Variants in UBE3B observed in about 807,000 individuals in gnomAD.
The protein encoded by UBE3B is ubiquitin-protein ligase E3B.
In UBE3B, 80 loss-of-function variants were observed where a neutral mutation model predicts 132.3. That is an observed-to-expected ratio of 0.60 (90% CI 0.50 to 0.73). The LOEUF (loss-of-function observed/expected upper bound fraction) is 0.73. Among genes scored for constraint, UBE3B ranks in the 30% least tolerant of loss-of-function variants. The pLI is 0.00. For synonymous variants in UBE3B, 487 were observed against 520.4 expected, an observed-to-expected ratio of 0.94 and a Z score of 0.87; for missense variants, 1,196 against 1,362.5, an observed-to-expected ratio of 0.88 and a Z score of 1.92.
Position 109,533,531 on chromosome 12 carries a change from C to G in UBE3B, c.2988C>G (p.Ile996Met), listed in dbSNP as rs1370932110. 6.2e-7 allele frequency: 1 copy of G among 1,613,874 alleles called. No individual in the cohort carries two copies. The highest frequency in any genetic ancestry group is 8.5e-7 in the Non-Finnish European group (1 of 1,180,018). The change falls in exon 27 of 28, where the codon ATC (isoleucine) becomes ATG (methionine). Residue 996 changes from isoleucine (I) to methionine (M), a missense_variant. Ile to Met is a conservative substitution (Grantham distance 10, BLOSUM62 1). Coordinates refer to ENST00000342494, the MANE Select transcript of UBE3B (RefSeq NM_130466.4). Reference sequence around the variant, plus strand: ...CCTACCTCAAGCCTCCATTCTCCATCCGCTGCGTGGAGGTGTCGGACGATC... The same window carrying G: ...CCTACCTCAAGCCTCCATTCTCCATGCGCTGCGTGGAGGTGTCGGACGATC... Reference protein sequence around the residue: ...GFAYLKPPFSIRCVEVSDDQD... With the variant: ...GFAYLKPPFSMRCVEVSDDQD...
chr12:109,520,066 G>A (rs1387302726), intron 19 of UBE3B: 1 of 152,270 alleles, frequency 6.6e-6, no homozygotes, highest in East Asian at 1.9e-4. Flanking sequence ...TGCGAAGCAT[G>A]TGACAGTGTT....
At chr12:109,524,568 T>G in intron 23 of UBE3B, 65 bp downstream of exon 23, 1 of 1,560,802 alleles carries the variant, frequency 6.4e-7, no homozygotes, top group East Asian at 2.3e-5. Flanking sequence ...ACCTGCCGTG[T>G]TATTTGTTTT....
intron 24 of UBE3B, among the ~76,000 whole-genome samples, chr12:109,529,264 T>A (rs1365247179): frequency 6.6e-6 from 1 of 152,228 alleles, no homozygotes; most frequent in African/African-American, 2.4e-5. Context: ...GCAGTTGTAG[T>A]TGAGGGCACT....
intron 2 of UBE3B, among the ~76,000 whole-genome samples, chr12:109,482,516 A>C (rs888044168): frequency 7.2e-5 from 11 of 152,190 alleles, no homozygotes; most frequent in African/African-American, 2.7e-4. Context: ...TGATATTTTC[A>C]TGTGGGTGCT....
At chr12:109,530,775 G>A in intron 26 of UBE3B, 117 bp downstream of exon 26, 3 of 1,001,532 alleles carry the variant, frequency 3.0e-6, no homozygotes, top group Non-Finnish European at 4.4e-6. Context: ...CAGATAGTCA[G>A]CACATCCTCT....
intron 18 of UBE3B, 33 bp from the exon 19 acceptor site, chr12:109,516,732 C>T (rs1047406744): frequency 1.2e-6 from 2 of 1,601,252 alleles, no homozygotes; most frequent in African/African-American, 1.3e-5. Flanking sequence ...GTTTGCTGAC[C>T]CTGTTTTCTG....
At chr12:109,493,136 G>C (rs1877712328) in intron 9 of UBE3B, among the ~76,000 whole-genome samples, 1 of 152,212 alleles carries the variant, frequency 6.6e-6, no homozygotes, top group Admixed American at 6.5e-5. Context: ...TATGTGAGTT[G>C]TATTTAATGA....
chr12:109,534,902 C>T lies in UBE3B; in HGVS notation c.*120C>T. On this transcript the variant is annotated 3_prime_UTR_variant, in exon 28 of 28. Coordinates refer to ENST00000342494, the MANE Select transcript of UBE3B (RefSeq NM_130466.4). This position sits in a 1 kb window ranked among gnomAD's most constrained non-coding sequence, Gnocchi z 5.2. ...GGTGACATTGGCCCCTAGACCCTCTCTATAGCCATGAGACTCCTTGTGGCC... is the reference window on the plus strand; with the variant it reads ...GGTGACATTGGCCCCTAGACCCTCTTTATAGCCATGAGACTCCTTGTGGCC... 1.2e-6 allele frequency: 1 copy of T among 817,808 alleles called. No individual in the cohort carries two copies. The highest frequency in any genetic ancestry group is 2.4e-5 in the South Asian group (1 of 42,534). 50.7% of individuals were successfully genotyped at this position (817,808 alleles called of 1,614,324 possible).
chr12:109,546,532 C>G, the UBE3B span, among the ~76,000 whole-genome samples: 1 of 152,188 alleles, frequency 6.6e-6, no homozygotes, highest in Non-Finnish European at 1.5e-5. Flanking sequence ...TGAACCAGCT[C>G]CAGCCAGCAA....
rs144512513 is a variant in UBE3B, at chr12:109,497,882, G to C, written c.778G>C (p.Val260Leu). ...IRPFLIHIMS[V>L]PALVTHLSTV... ...GCCGTTCCTCATCCACATCATGTCTGTGCCTGCTCTGGTGACTCATCTCAG... is the reference window on the plus strand; with the variant it reads ...GCCGTTCCTCATCCACATCATGTCTCTGCCTGCTCTGGTGACTCATCTCAG... The change falls in exon 10 of 28, where the codon GTG (valine) becomes CTG (leucine). Residue 260 changes from valine to leucine, a missense_variant. Val to Leu is a conservative substitution (Grantham distance 32). Transcript: ENST00000342494. 1.9e-5 allele frequency: 31 copies of C among 1,614,176 alleles called. No homozygotes were observed. Among genetic ancestry groups the C allele is most frequent in the Non-Finnish European group, 2.6e-5 (31 of 1,180,034 alleles).
chr12:109,483,586 T>TC lies in UBE3B; in HGVS notation c.36dup (p.Ile13HisfsTer3), dbSNP rs1209051926. On this transcript the variant is annotated frameshift_variant, in exon 3 of 28. Transcript: ENST00000342494. LOFTEE classifies it high-confidence loss of function. ...CTGTCTCAGACCTCGAGAGCATGGT[T>TC]CATCGATAGAGCCCGTCAGGCACGA... is the stretch of plus-strand genomic sequence containing the variant. 39 of 1,605,972 alleles carry TC rather than the reference T, an allele frequency of 2.4e-5. No homozygotes were observed. Among genetic ancestry groups the TC allele is most frequent in the Non-Finnish European group, 3.1e-5 (37 of 1,177,630 alleles).
At chr12:109,530,810 C>G (rs1262673330) in intron 26 of UBE3B, 152 bp downstream of exon 26, 3 of 741,880 alleles carry the variant, frequency 4.0e-6, no homozygotes, top group Non-Finnish European at 6.6e-6. Context: ...TCCCGGTAGG[C>G]CAAGCAGTAA....
intron 8 of UBE3B, chr12:109,490,824 T>C: frequency 7.7e-7 from 1 of 1,292,912 alleles, no homozygotes; most frequent in Non-Finnish European, 1.0e-6. Flanking sequence ...TTTGTTTTTT[T>C]GTTTTTTTTT....
rs1566090343 is a variant in UBE3B at position 109,503,121 on chromosome 12, T to G, written c.1381T>G (p.Cys461Gly). 2 of 1,614,246 alleles carry G rather than the reference T, an allele frequency of 1.2e-6. No individual in the cohort carries two copies. Among genetic ancestry groups the G allele is most frequent in the Non-Finnish European group, 1.7e-6 (2 of 1,180,050 alleles). ...CGACTCTGCAGAAGTCCAGAAGGTT[T>G]GCAACATCTGTGTCCTCTACCAGAC... is the stretch of plus-strand genomic sequence containing the variant. The part of the protein sequence containing the change: ...RVDSAEVQKV[C>G]NICVLYQTSL... The change falls in exon 14 of 28, where the codon TGC (cysteine) becomes GGC (glycine). Residue 461 changes from cysteine (C) to glycine (G), a missense_variant. Physicochemically the swap from Cys to Gly is radical, Grantham distance 159 (BLOSUM62 -3). Coordinates refer to ENST00000342494, the MANE Select transcript of UBE3B (RefSeq NM_130466.4).
In UBE3B at chr12:109,501,626, G is replaced by A. The variant is rs1308644305; in HGVS notation, c.1282+92G>A. ...TATATGGATGTTCCGCTGTGTTTGT[G>A]GGATGCTCTAACTTTGTTTTTGTTG... On this transcript the variant is annotated intron_variant, in intron 13 of 27. Coordinates refer to ENST00000342494, the MANE Select transcript of UBE3B (RefSeq NM_130466.4). The A allele has an allele frequency of 1.5e-5, 21 of 1,446,702 alleles. 1 individual carries two copies. The highest frequency in any genetic ancestry group is 4.7e-5 in the East Asian group (2 of 42,568). 89.6% of individuals were successfully genotyped at this position (1,446,702 alleles called of 1,614,324 possible).
At chr12:109,484,614 T>C (rs1876076759) in intron 4 of UBE3B, among the ~76,000 whole-genome samples, 1 of 152,116 alleles carries the variant, frequency 6.6e-6, no homozygotes, top group Admixed American at 6.5e-5. Context: ...ATAGTCTCGA[T>C]CTCTTAGCCT....
intron 5 of UBE3B, 121 bp from the exon 6 acceptor site, chr12:109,486,350 A>G (rs1876421089): frequency 1.2e-6 from 1 of 828,566 alleles, no homozygotes; most frequent in Non-Finnish European, 1.9e-6. Flanking sequence ...TTATTTGTCC[A>G]TTCAGGTCCA....
chr12:109,535,215 C>G lies in UBE3B; in HGVS notation c.*433C>G, dbSNP rs974026853. 6.5e-6 allele frequency: 1 copy of G among 154,746 alleles called. No individual in the cohort carries two copies. Among genetic ancestry groups the G allele is most frequent in the Non-Finnish European group, 1.4e-5 (1 of 69,888 alleles). The allele number at this position is 154,746 out of a possible 1,614,324, so 9.6% of individuals were successfully genotyped here. A position where few individuals can be genotyped will look rare whatever the true frequency, so the allele number is the denominator to read the frequency against. On this transcript the variant is annotated 3_prime_UTR_variant, in exon 28 of 28. Transcript: ENST00000342494. ...TACTGTGCGTGAGATCCTCTCCTTC[C>G]GTTTCTGAAATCTCTTACTCAGGTA...
At chr12:109,539,166 G>C (rs193234555), downstream of UBE3B, among the ~76,000 whole-genome samples, 4 of 152,318 alleles carry the variant, frequency 2.6e-5, no homozygotes, top group East Asian at 7.7e-4. Flanking sequence ...AACCCAGGAG[G>C]CGGAGGTTGC....
Sources: gnomAD v4.1 joint callset for allele counts (sites outside exome capture counted in the v4.1 genomes callset) on GRCh38, gnomAD v4.1.1 for gene constraint, Gnocchi (gnomAD v3.1) non-coding constraint, MANE v1.5 for transcripts, NCBI Gene and HGNC (gene_info 2026-07-23, HGNC 2026-07-21) for gene names.